The following CD58 variants were observed in gnomAD, a reference collection of about 807,000 sequenced individuals.
CD58 encodes the protein lymphocyte function-associated antigen 3.
In CD58, 14 loss-of-function variants were observed where a neutral mutation model predicts 27.6. The observed-to-expected ratio is 0.51, with a 90% CI of 0.34 to 0.79. CD58 has a LOEUF of 0.79. Among genes scored for constraint, CD58 ranks in the 30% least tolerant of loss-of-function variants. The pLI is 0.02. For synonymous variants in CD58, 117 were observed against 103.8 expected, an observed-to-expected ratio of 1.13 and a Z score of -0.77; for missense variants, 268 against 301.7, an observed-to-expected ratio of 0.89 and a Z score of 0.83.
chr1:116,517,849 A>G lies in CD58; in HGVS notation c.743+1382T>C, dbSNP rs1478388459. On this transcript the variant is annotated intron_variant, in intron 5 of 5. Coordinates refer to ENST00000369489, the MANE Select transcript of CD58 (RefSeq NM_001779.3). This position sits in a 1 kb window ranked among gnomAD's most constrained non-coding sequence, Gnocchi z 6.5. ...GACATCACTAGCCAGGTAATACACC[A>G]GCACCCCAAAATCAACCTGTCAAAG... 2.0e-5 allele frequency among the ~76,000 whole-genome samples: 3 copies of G among 152,210 alleles called. No individual in the cohort carries two copies. The highest frequency in any genetic ancestry group is 2.9e-5 in the Non-Finnish European group (2 of 68,044).
rs999929633 is a variant in CD58, at chr1:116,536,282, C to T, written c.365-54G>A. ...AGAAAATAGTAATATTTAGACTTAT[C>T]ATCTGCAAATTTATGAAGAGCTCGC... On this transcript the variant is annotated intron_variant, in intron 2 of 5. Transcript: ENST00000369489. The surrounding 1 kb of genome is among the most constrained non-coding windows in gnomAD (Gnocchi z 5.4). 2.0e-5 allele frequency: 28 copies of T among 1,395,196 alleles called. No homozygotes were observed. The African/African-American group carries it at 3.9e-4, about 19-fold the overall frequency. The allele number at this position is 1,395,196 out of a possible 1,614,324, so 86.4% of individuals were successfully genotyped here.
chr1:116,534,155 C>T lies in CD58; in HGVS notation c.628+1810G>A. 1 of 661,564 alleles carries T rather than the reference C, an allele frequency of 1.5e-6. No individual in the cohort carries two copies. The highest frequency in any genetic ancestry group is 2.8e-6 in the Non-Finnish European group (1 of 362,006). The allele number at this position is 661,564 out of a possible 1,614,324, so 41.0% of individuals were successfully genotyped here. On this transcript the variant is annotated intron_variant, in intron 3 of 5. Coordinates refer to ENST00000369489, the MANE Select transcript of CD58 (RefSeq NM_001779.3). The surrounding 1 kb of genome is among the most constrained non-coding windows in gnomAD (Gnocchi z 5.3). ...CCGTGAGTAACTAGGCTAAGGCACT[C>T]AGGCCAGTCCTCGGGGAGCACACGC...
intron 1 of CD58, 109 bp from the exon 2 acceptor site, chr1:116,544,713 A>G (rs1030829433): frequency 1.4e-5 from 10 of 703,664 alleles, no homozygotes; most frequent in African/African-American, 3.6e-5. Context: ...CACAAAATAC[A>G]GGAAGTAAGA....
intron 1 of CD58, among the ~76,000 whole-genome samples, chr1:116,567,244 G>A: frequency 8.0e-6 from 1 of 124,238 alleles, no homozygotes; most frequent in Non-Finnish European, 1.7e-5. Context: ...AAAGGGAGGG[G>A]AGGGGAGGGA....
At chr1:116,554,750 T>G (rs1293773557) in intron 1 of CD58, among the ~76,000 whole-genome samples, 1 of 152,092 alleles carries the variant, frequency 6.6e-6, no homozygotes, top group African/African-American at 2.4e-5. Flanking sequence ...TGAAGACAAA[T>G]ATCCTATTAC....
intron 3 of CD58, among the ~76,000 whole-genome samples, chr1:116,535,054 TTTTG>T (rs995274915): frequency 5.9e-5 from 9 of 152,352 alleles, no homozygotes; most frequent in African/African-American, 2.2e-4. Flanking sequence ...TCACTGACCT[TTTTG>T]TTTGTTAAAC....
chr1:116,550,483 G>A lies in CD58; in HGVS notation c.71-5879C>T, dbSNP rs1658355164. On this transcript the variant is annotated intron_variant, in intron 1 of 5. Coordinates refer to ENST00000369489, the MANE Select transcript of CD58 (RefSeq NM_001779.3). The surrounding 1 kb of genome is among the most constrained non-coding windows in gnomAD (Gnocchi z 4.2). ...TTGGCTCAATTTTCATCATGAGATTGTGGCAACTGAGTGACATATTCAGGC... is the reference window on the plus strand; with the variant it reads ...TTGGCTCAATTTTCATCATGAGATTATGGCAACTGAGTGACATATTCAGGC... Among the ~76,000 whole-genome samples, 1 of 152,134 alleles carries A rather than the reference G, an allele frequency of 6.6e-6. No individual in the cohort carries two copies. Among genetic ancestry groups the A allele is most frequent in the Non-Finnish European group, 1.5e-5 (1 of 68,024 alleles).
rs1657462849 is a variant in CD58 at position 116,527,305 on chromosome 1, G to T, written c.629-5322C>A. Among the ~76,000 whole-genome samples, 1 of 152,176 alleles carries T rather than the reference G, an allele frequency of 6.6e-6. No homozygotes were observed. The highest frequency in any genetic ancestry group is 6.5e-5 in the Admixed American group (1 of 15,274). On this transcript the variant is annotated intron_variant, in intron 3 of 5. Transcript: ENST00000369489. This position sits in a 1 kb window ranked among gnomAD's most constrained non-coding sequence, Gnocchi z 4.4. ...CTCACCATTACAGATGATGTTAGCTGCAGGGTTTTTTGTAGGCATTTGTTA... is the reference window on the plus strand; with the variant it reads ...CTCACCATTACAGATGATGTTAGCTTCAGGGTTTTTTGTAGGCATTTGTTA...
Position 116,527,636 on chromosome 1 carries a change from T to C in CD58, c.629-5653A>G, listed in dbSNP as rs1302066474. Among the ~76,000 whole-genome samples the C allele has an allele frequency of 1.3e-5, 2 of 152,268 alleles. No individual in the cohort carries two copies. The highest frequency in any genetic ancestry group is 2.9e-5 in the Non-Finnish European group (2 of 68,044). Reference sequence around the variant, plus strand: ...TCATGAGAAATATTTGTCTTAATTTTCTTTTCTTGTATTGTTCTTTGGTTT... The same window carrying C: ...TCATGAGAAATATTTGTCTTAATTTCCTTTTCTTGTATTGTTCTTTGGTTT... On this transcript the variant is annotated intron_variant, in intron 3 of 5. Transcript: ENST00000369489. The surrounding 1 kb of genome is among the most constrained non-coding windows in gnomAD (Gnocchi z 4.4).
At position 116,541,583 on chromosome 1, in the gene CD58, G is replaced by A. The variant is rs1023374397; in HGVS notation, c.364+2728C>T. 9.8e-5 allele frequency among the ~76,000 whole-genome samples: 15 copies of A among 152,322 alleles called. No homozygotes were observed. The highest frequency in any genetic ancestry group is 3.9e-4 in the Admixed American group (6 of 15,306). On this transcript the variant is annotated intron_variant, in intron 2 of 5. Coordinates refer to ENST00000369489, the MANE Select transcript of CD58 (RefSeq NM_001779.3). This position sits in a 1 kb window ranked among gnomAD's most constrained non-coding sequence, Gnocchi z 5.3. ...AGAGAGGTATCAAGGATGACATCCCGGTTTCAGACTGACCAGCTGAAAGGA... is the reference window on the plus strand; with the variant it reads ...AGAGAGGTATCAAGGATGACATCCCAGTTTCAGACTGACCAGCTGAAAGGA...
At chr1:116,567,177 A>AGAAGGGAAGGGAAGG (rs536890121) in intron 1 of CD58, among the ~76,000 whole-genome samples, 48 of 118,642 alleles carry the variant, frequency 4.0e-4, no homozygotes, top group Middle Eastern at 4.5e-3. Context: ...AAAGAAGGAA[A>AGAAGGGAAGGGAAGG]GAAGGGAAGG....
Position 116,549,352 on chromosome 1 carries a change from G to A in CD58, c.71-4748C>T, listed in dbSNP as rs540430757. Reference sequence around the variant, plus strand: ...CCCTAAAAGAAGTTCTGAGGCACAAGCAGCAGTTAACTATGCCCAGGAGAG... The same window carrying A: ...CCCTAAAAGAAGTTCTGAGGCACAAACAGCAGTTAACTATGCCCAGGAGAG... On this transcript the variant is annotated intron_variant, in intron 1 of 5. Transcript: ENST00000369489. Among the ~76,000 whole-genome samples the A allele has an allele frequency of 4.6e-5, 7 of 152,306 alleles. No individual in the cohort carries two copies. In the East Asian group the frequency reaches 1.4e-3, roughly 29 times the overall value.
intron 2 of CD58, among the ~76,000 whole-genome samples, chr1:116,539,305 C>T (rs2101182027): frequency 6.6e-6 from 1 of 152,232 alleles, no homozygotes; most frequent in East Asian, 1.9e-4. Flanking sequence ...CAAGCCTTAG[C>T]CTTGGCCTGC....
In CD58 at chr1:116,536,429, G is replaced by T. The variant is rs1315194552; in HGVS notation, c.365-201C>A. 5.3e-5 allele frequency among the ~76,000 whole-genome samples: 8 copies of T among 152,092 alleles called. No homozygotes were observed. The highest frequency in any genetic ancestry group is 1.9e-4 in the African/African-American group (8 of 41,408). On this transcript the variant is annotated intron_variant, in intron 2 of 5. Transcript: ENST00000369489. This position sits in a 1 kb window ranked among gnomAD's most constrained non-coding sequence, Gnocchi z 5.4. ...ATTTAACAGAATAAATTCAGACCCTGATATGGTTTGGCTCTGGGTCCTCAC... is the reference window on the plus strand; with the variant it reads ...ATTTAACAGAATAAATTCAGACCCTTATATGGTTTGGCTCTGGGTCCTCAC...
In CD58 at chr1:116,514,571, T is replaced by C. The variant is rs1363566717; in HGVS notation, c.*242A>G. ...ATATTTACATTTATTTACAAAAGTA[T>C]CTACATCATCAGTAAAAACAATTTA... is the stretch of plus-strand genomic sequence containing the variant. On this transcript the variant is annotated 3_prime_UTR_variant, in exon 6 of 6. Transcript: ENST00000369489. 1.5e-5 allele frequency: 7 copies of C among 454,460 alleles called. No individual in the cohort carries two copies. Among genetic ancestry groups the C allele is most frequent in the Non-Finnish European group, 2.4e-5 (6 of 252,450 alleles). The allele number at this position is 454,460 out of a possible 1,614,324, so 28.2% of individuals were successfully genotyped here.
At chr1:116,518,367 G>A (rs908567484) in intron 5 of CD58, among the ~76,000 whole-genome samples, 7 of 151,854 alleles carry the variant, frequency 4.6e-5, no homozygotes, top group African/African-American at 1.5e-4. Context: ...CCACTAACCA[G>A]TGTCCTCATC....
chr1:116,540,383 T>A (rs1657952438), intron 2 of CD58, among the ~76,000 whole-genome samples: 1 of 152,200 alleles, frequency 6.6e-6, no homozygotes, highest in Admixed American at 6.5e-5. Context: ...ACCAATCATT[T>A]TATCATGCAG....
intron 5 of CD58, among the ~76,000 whole-genome samples, chr1:116,518,126 C>T (rs1557831191): frequency 6.6e-6 from 1 of 152,148 alleles, no homozygotes; most frequent in Non-Finnish European, 1.5e-5. Flanking sequence ...TGCCCATTTT[C>T]CACAGAAGAC....
At chr1:116,539,495 T>C (rs1267701211) in intron 2 of CD58, among the ~76,000 whole-genome samples, 2 of 151,876 alleles carry the variant, frequency 1.3e-5, no homozygotes, top group Non-Finnish European at 2.9e-5. Context: ...GAGTGCCACA[T>C]GCAGGGTTTG....
Sources: allele counts gnomAD v4.1 joint callset (sites outside exome capture counted in the v4.1 genomes callset), GRCh38; gene constraint gnomAD v4.1.1; non-coding constraint Gnocchi (gnomAD v3.1); transcripts MANE v1.5; gene names NCBI Gene and HGNC (gene_info 2026-07-23, HGNC 2026-07-21).